ZNF740: variants seen among roughly 807,000 people sequenced by gnomAD.
ZNF740 encodes the protein zinc finger protein 740.
Under a neutral mutation model 24.8 loss-of-function variants are expected in ZNF740, and 14 were observed. The observed-to-expected ratio is 0.56, with a 90% CI of 0.37 to 0.88. The LOEUF is 0.88. Among genes scored for constraint, ZNF740 ranks in the 40% least tolerant of loss-of-function variants. ZNF740 has a pLI of 0.00. For synonymous variants in ZNF740, 69 were observed against 84.0 expected (o/e 0.82, Z 0.98); for missense variants, 201 against 247.9 (o/e 0.81, Z 1.27).
In ZNF740 at chr12:53,186,579, CT is replaced by C. The variant is rs911349494; in HGVS notation, c.492+71del. The C allele has an allele frequency of 1.2e-5, 15 of 1,282,160 alleles. No individual in the cohort carries two copies. The Admixed American group carries it at 2.3e-4, about 20-fold the overall frequency. The allele number at this position is 1,282,160 out of a possible 1,614,324, so 79.4% of individuals were successfully genotyped here. ...CCCCAAGAATCAGGGCCACCCTCCA[CT>C]CCTGCCTGACAAAAGAGCCACCAGC... On this transcript the variant is annotated intron_variant, in intron 6 of 6. Coordinates refer to ENST00000416904, the MANE Select transcript of ZNF740 (RefSeq NM_001004304.4).
At chr12:53,181,342 T>A (rs755073240) in intron 1 of ZNF740, 7 of 985,336 alleles carry the variant, frequency 7.1e-6, no homozygotes, top group Non-Finnish European at 8.4e-6. Context: ...TTGCCGCCTC[T>A]GTAAAGTGCG....
At position 53,187,898 on chromosome 12, in the gene ZNF740, C is replaced by T. The variant is rs923661301; in HGVS notation, c.*308C>T. 9.3e-6 allele frequency: 3 copies of T among 322,102 alleles called. No homozygotes were observed. The highest frequency in any genetic ancestry group is 4.5e-5 in the Admixed American group (1 of 22,088). 20.0% of individuals were successfully genotyped at this position (322,102 alleles called of 1,614,324 possible). A position where few individuals can be genotyped will look rare whatever the true frequency, so the allele number is the denominator to read the frequency against. The stretch of plus-strand genomic sequence containing the variant: ...CAGGACCAAGACTGAAGTGTGGCTC[C>T]CACAACCTTGGACTCCAGCTGGCAG... On this transcript the variant is annotated 3_prime_UTR_variant, in exon 7 of 7. Coordinates refer to ENST00000416904, the MANE Select transcript of ZNF740 (RefSeq NM_001004304.4).
chr12:53,180,911 G>T (rs910813792), intron 1 of ZNF740, 74 bp downstream of exon 1: 226 of 1,125,690 alleles, frequency 2.0e-4, no homozygotes, highest in Non-Finnish European at 2.4e-4. Flanking sequence ...AAGCCGTGGG[G>T]TGCCGCGCGG....
Position 53,181,721 on chromosome 12 carries a change from A to G in ZNF740, c.-263A>G, listed in dbSNP as rs2121527540. On this transcript the variant is annotated 5_prime_UTR_variant, in exon 2 of 7. Coordinates refer to ENST00000416904, the MANE Select transcript of ZNF740 (RefSeq NM_001004304.4). ...AGCTTCATCAAGAGAATTCAACTGG[A>G]AAACCAAGACTGGTAGACTCTCTTT... 2.0e-6 allele frequency: 1 copy of G among 496,564 alleles called. No homozygotes were observed. Among genetic ancestry groups the G allele is most frequent in the Middle Eastern group, 5.6e-4 (1 of 1,790 alleles). The allele number at this position is 496,564 out of a possible 1,614,324, so 30.8% of individuals were successfully genotyped here.
Position 53,186,405 on chromosome 12 carries a change from G to A in ZNF740, c.388G>A (p.Glu130Lys), listed in dbSNP as rs1223943545. 6.3e-7 allele frequency: 1 copy of A among 1,580,500 alleles called. No individual in the cohort carries two copies. The highest frequency in any genetic ancestry group is 8.6e-7 in the Non-Finnish European group (1 of 1,162,436). The change falls in exon 6 of 7, where the codon GAA becomes AAA. Residue 130 changes from glutamate to lysine, a missense_variant. Transcript: ENST00000416904. ...ACCTGGGCCAGGTGAGAAGCCATTT[G>A]AATGCGATATATGTGATATGCGTTT... ...ILIHTGEKPF[E>K]CDICDMRFIQ...
In ZNF740 at chr12:53,193,316, T is replaced by G. The variant is rs1565699771; in HGVS notation, c.*5726T>G. 11 of 1,608,646 alleles carry G rather than the reference T, an allele frequency of 6.8e-6. No individual in the cohort carries two copies. The highest frequency in any genetic ancestry group is 7.7e-6 in the Non-Finnish European group (9 of 1,175,948). ...AGATTCCAGGTCTGGGGAGGACAGC[T>G]CTGCCACAGAGCACTCACAGAGCCG... On this transcript the variant is annotated 3_prime_UTR_variant, in exon 7 of 7. Transcript: ENST00000416904.
rs1238435297 is a variant in ZNF740 at position 53,180,833 on chromosome 12, G to A, written c.-312G>A. On this transcript the variant is annotated 5_prime_UTR_variant, in exon 1 of 7. Coordinates refer to ENST00000416904, the MANE Select transcript of ZNF740 (RefSeq NM_001004304.4). ...AGGGAGCCAGCGGGAGGCCGCGCCT[G>A]GCAGGTAGGAGCAAGCCCCAAAGAC... 7.9e-7 allele frequency: 1 copy of A among 1,271,602 alleles called. No homozygotes were observed. The highest frequency in any genetic ancestry group is 1.0e-6 in the Non-Finnish European group (1 of 982,024). The allele number at this position is 1,271,602 out of a possible 1,614,324, so 78.8% of individuals were successfully genotyped here. A position where few individuals can be genotyped will look rare whatever the true frequency, so the allele number is the denominator to read the frequency against.
At position 53,191,580 on chromosome 12, in the gene ZNF740, T is replaced by C. The variant is rs773644954; in HGVS notation, c.*3990T>C. 6 of 1,613,460 alleles carry C rather than the reference T, an allele frequency of 3.7e-6. No homozygotes were observed. The highest frequency in any genetic ancestry group is 5.1e-6 in the Non-Finnish European group (6 of 1,179,416). On this transcript the variant is annotated 3_prime_UTR_variant, in exon 7 of 7. Transcript: ENST00000416904. ...TTCAGAGAGTGGGACTGTCTGCCTC[T>C]TGAAAGCGAGGATTGATGGTGGTCG...
Position 53,193,475 on chromosome 12 carries a change from A to G in ZNF740, c.*5885A>G, listed in dbSNP as rs907052280. ...TCTCAAAAGAGTTGGAGACAGACAAACAGCTGAAAGGATGTTAAGTATAGT... is the reference window on the plus strand; with the variant it reads ...TCTCAAAAGAGTTGGAGACAGACAAGCAGCTGAAAGGATGTTAAGTATAGT... On this transcript the variant is annotated 3_prime_UTR_variant, in exon 7 of 7. Transcript: ENST00000416904. 2.4e-6 allele frequency: 2 copies of G among 835,636 alleles called. No individual in the cohort carries two copies. The highest frequency in any genetic ancestry group is 3.7e-6 in the Non-Finnish European group (2 of 545,660). The allele number at this position is 835,636 out of a possible 1,614,324, so 51.8% of individuals were successfully genotyped here.
At position 53,193,326 on chromosome 12, in the gene ZNF740, A is replaced by G. The variant is rs1264241093; in HGVS notation, c.*5736A>G. On this transcript the variant is annotated 3_prime_UTR_variant, in exon 7 of 7. Transcript: ENST00000416904. ...TCTGGGGAGGACAGCTCTGCCACAG[A>G]GCACTCACAGAGCCGACCTAGGCGG... is the stretch of plus-strand genomic sequence containing the variant. 1 of 1,604,854 alleles carries G rather than the reference A, an allele frequency of 6.2e-7. No homozygotes were observed. Among genetic ancestry groups the G allele is most frequent in the Non-Finnish European group, 8.5e-7 (1 of 1,173,334 alleles).
rs1030107476 is a variant in ZNF740 at position 53,191,212 on chromosome 12, C to G, written c.*3622C>G. The stretch of plus-strand genomic sequence containing the variant: ...TTCCTGCACATTCGCGCTTGGGCAC[C>G]TCTCCCTGCCCTCAGGTGGCAAGAG... On this transcript the variant is annotated 3_prime_UTR_variant, in exon 7 of 7. Coordinates refer to ENST00000416904, the MANE Select transcript of ZNF740 (RefSeq NM_001004304.4). The G allele has an allele frequency of 6.4e-6, 2 of 314,460 alleles. No individual in the cohort carries two copies. The highest frequency in any genetic ancestry group is 1.1e-3 in the Middle Eastern group (1 of 934). The allele number at this position is 314,460 out of a possible 1,614,324, so 19.5% of individuals were successfully genotyped here. A position where few individuals can be genotyped will look rare whatever the true frequency, so the allele number is the denominator to read the frequency against.
intron 2 of ZNF740, among the ~76,000 whole-genome samples, chr12:53,183,488 A>T (rs374391809): frequency 5.9e-5 from 9 of 152,308 alleles, no homozygotes; most frequent in Admixed American, 3.9e-4. Flanking sequence ...CGATTTCTTA[A>T]AATTTTTTTT....
rs376582355 is a variant in ZNF740, at chr12:53,191,736, T to C, written c.*4146T>C. The C allele has an allele frequency of 9.2e-4, 1,400 of 1,519,278 alleles. 27 individuals carry two copies. In the South Asian group the frequency reaches 0.015, roughly 16 times the overall value. 94.1% of individuals were successfully genotyped at this position (1,519,278 alleles called of 1,614,324 possible). ...CCTTGAGCCGAATCCTAGGAGCTGATGGAAGTTAGCAGAGGGGTTGGTTAC... is the reference window on the plus strand; with the variant it reads ...CCTTGAGCCGAATCCTAGGAGCTGACGGAAGTTAGCAGAGGGGTTGGTTAC... On this transcript the variant is annotated 3_prime_UTR_variant, in exon 7 of 7. Transcript: ENST00000416904.
chr12:53,183,328 T>C (rs747808783), intron 2 of ZNF740, among the ~76,000 whole-genome samples: 1 of 152,226 alleles, frequency 6.6e-6, no homozygotes, highest in Non-Finnish European at 1.5e-5. Flanking sequence ...GTGGAATAAC[T>C]TGCCCAAGAT....
intron 6 of ZNF740, 86 bp from the exon 7 acceptor site, chr12:53,187,415 G>C (rs1941844898): frequency 2.8e-6 from 3 of 1,071,694 alleles, no homozygotes; most frequent in Non-Finnish European, 4.3e-6. Context: ...GGAGAATGTG[G>C]TATCTGCCTC....
Position 53,194,070 on chromosome 12 carries a change from G to A in ZNF740, c.*6480G>A, listed in dbSNP as rs952302236. On this transcript the variant is annotated 3_prime_UTR_variant, in exon 7 of 7. Transcript: ENST00000416904. ...AAGCCACTCAGACTGCTCCAGGAAGGATGGATGGAGGACTACCTCAGGCTC... is the reference window on the plus strand; with the variant it reads ...AAGCCACTCAGACTGCTCCAGGAAGAATGGATGGAGGACTACCTCAGGCTC... 2.7e-5 allele frequency: 39 copies of A among 1,420,278 alleles called. No individual in the cohort carries two copies. In the Admixed American group the frequency reaches 3.8e-4, roughly 14 times the overall value. The allele number at this position is 1,420,278 out of a possible 1,614,324, so 88.0% of individuals were successfully genotyped here. A position where few individuals can be genotyped will look rare whatever the true frequency, so the allele number is the denominator to read the frequency against.
At chr12:53,180,967 G>A (rs1941576660) in intron 1 of ZNF740, 130 bp downstream of exon 1, 1 of 241,704 alleles carries the variant, frequency 4.1e-6, no homozygotes, top group East Asian at 2.2e-4. Context: ...AAGGGAGGGG[G>A]ATCTCCGGGG....
chr12:53,184,150 T>TGTGTGCGCGCGCGCGC (rs59250662), intron 2 of ZNF740, among the ~76,000 whole-genome samples: 37 of 104,422 alleles, frequency 3.5e-4, no homozygotes, highest in African/African-American at 1.3e-3. Flanking sequence ...TGTGTGTGTG[T>TGTGTGCGCGCGCGCGC]GCGCGCGCGC....
intron 6 of ZNF740, 55 bp downstream of exon 6, chr12:53,186,564 C>A: frequency 7.1e-7 from 1 of 1,399,680 alleles, no homozygotes; most frequent in Non-Finnish European, 9.9e-7. Flanking sequence ...CCCCAAGAAT[C>A]AGGGCCACCC....
Sources: gnomAD v4.1 joint callset for allele counts (sites outside exome capture counted in the v4.1 genomes callset) on GRCh38, gnomAD v4.1.1 for gene constraint, MANE v1.5 for transcripts, NCBI Gene and HGNC (gene_info 2026-07-23, HGNC 2026-07-21) for gene names.